MARCHF6: variants seen among roughly 807,000 people sequenced by gnomAD.
The protein encoded by MARCHF6 is membrane associated ring-CH-type finger 6.
In MARCHF6, 31 loss-of-function variants were observed where a neutral mutation model predicts 133.7. The ratio of observed to expected loss-of-function variants is 0.23; its 90% CI spans 0.17 to 0.31. MARCHF6 has a LOEUF of 0.31. Among genes scored for constraint, MARCHF6 ranks in the 10% least tolerant of loss-of-function variants. MARCHF6 has a pLI of 1.00. For synonymous variants in MARCHF6, 395 were observed against 402.5 expected (o/e 0.98, Z 0.22); for missense variants, 723 against 1,121.6 (o/e 0.64, Z 5.08).
At chr5:10,357,680 G>A (rs926839102) in intron 1 of MARCHF6, among the ~76,000 whole-genome samples, 14 of 152,186 alleles carry the variant, frequency 9.2e-5, no homozygotes, top group South Asian at 2.1e-4. Flanking sequence ...TTCTTACCAC[G>A]CATTACCTTT....
intron 4 of MARCHF6, among the ~76,000 whole-genome samples, chr5:10,383,542 T>C (rs975869391): frequency 1.3e-5 from 2 of 152,216 alleles, no homozygotes; most frequent in Admixed American, 1.3e-4. Flanking sequence ...TGTTGAATGC[T>C]AGAAGACAAT....
At chr5:10,403,612 C>G in intron 15 of MARCHF6, 71 bp downstream of exon 15, 1 of 1,379,368 alleles carries the variant, frequency 7.2e-7, no homozygotes, top group Non-Finnish European at 9.9e-7. Context: ...CCAGTCATGT[C>G]TCAAAGGCTA....
At chr5:10,356,885 C>T (rs777954076) in intron 1 of MARCHF6, among the ~76,000 whole-genome samples, 3 of 152,030 alleles carry the variant, frequency 2.0e-5, no homozygotes, top group Non-Finnish European at 4.4e-5. Flanking sequence ...TACTTAGTTC[C>T]GACATGGCTG....
At position 10,439,761 on chromosome 5, in the gene MARCHF6, A is replaced by G. The variant is rs1199385638; in HGVS notation, c.*6077A>G. 1 of 152,378 alleles carries G rather than the reference A, an allele frequency of 6.6e-6. No homozygotes were observed. Among genetic ancestry groups the G allele is most frequent in the Non-Finnish European group, 1.5e-5 (1 of 68,128 alleles). 9.4% of individuals were successfully genotyped at this position (152,378 alleles called of 1,614,324 possible). A position where few individuals can be genotyped will look rare whatever the true frequency, so the allele number is the denominator to read the frequency against. Reference sequence around the variant, plus strand: ...CTCCAATAGACGACCATGGCACTCAAAAGTCCACAATAGCCTTCAATGCTG... The same window carrying G: ...CTCCAATAGACGACCATGGCACTCAGAAGTCCACAATAGCCTTCAATGCTG... On this transcript the variant is annotated 3_prime_UTR_variant, in exon 26 of 26. Transcript: ENST00000274140.
chr5:10,394,114 C>T lies in MARCHF6; in HGVS notation c.799C>T (p.Arg267Ter). The T allele has an allele frequency of 1.9e-6, 3 of 1,571,010 alleles. No homozygotes were observed. The highest frequency in any genetic ancestry group is 2.6e-6 in the Non-Finnish European group (3 of 1,157,006). The change falls in exon 8 of 26, where the codon CGA becomes TGA. Residue 267 changes from arginine (R) to a stop codon, truncating the protein, a stop_gained. Transcript: ENST00000274140. LOFTEE classifies it high-confidence loss of function. The stretch of plus-strand genomic sequence containing the variant: ...GAATTGGAATGCTTTAGAATGGGAC[C>T]GAGCTGCTGAAGAGCTTACATGGGA... ...DMNWNALEWD[R>*]AAEELTWERM...
At chr5:10,378,975 GATAGTA>G (rs1294535627) in intron 3 of MARCHF6, 143 bp downstream of exon 3, 7 of 530,180 alleles carry the variant, frequency 1.3e-5, no homozygotes, top group Admixed American at 3.7e-5. Context: ...GATTTTTTTT[GATAGTA>G]ATAGGAAGTA....
At chr5:10,410,328 A>T in intron 18 of MARCHF6, 52 bp downstream of exon 18, 1 of 1,574,582 alleles carries the variant, frequency 6.4e-7, no homozygotes, top group Non-Finnish European at 8.6e-7. Context: ...GTGACTATGG[A>T]ATAACCTTTC....
chr5:10,383,551 A>G (rs1455025321), intron 4 of MARCHF6, among the ~76,000 whole-genome samples: 3 of 152,202 alleles, frequency 2.0e-5, no homozygotes, highest in Admixed American at 6.5e-5. Flanking sequence ...CTAGAAGACA[A>G]TGGAAACTCA....
chr5:10,354,895 T>G (rs1735351153), intron 1 of MARCHF6, among the ~76,000 whole-genome samples: 1 of 152,132 alleles, frequency 6.6e-6, no homozygotes, highest in Non-Finnish European at 1.5e-5. Context: ...CAATAATGAG[T>G]GAAAAAAGTT....
chr5:10,405,523 G>T, intron 15 of MARCHF6, 35 bp from the exon 16 acceptor site: 1 of 1,550,314 alleles, frequency 6.5e-7, no homozygotes, highest in South Asian at 1.2e-5. Flanking sequence ...TGAAGACATT[G>T]GTGAATATTC....
Position 10,411,532 on chromosome 5 carries a change from C to T in MARCHF6, c.1891C>T (p.Leu631Phe). The T allele has an allele frequency of 2.5e-6, 4 of 1,613,586 alleles. No individual in the cohort carries two copies. The highest frequency in any genetic ancestry group is 3.4e-6 in the Non-Finnish European group (4 of 1,179,706). The change falls in exon 19 of 26, where the codon CTC (leucine) becomes TTC (phenylalanine). Residue 631 changes from leucine (L) to phenylalanine (F), a missense_variant. Physicochemically the swap from Leu to Phe is conservative, Grantham distance 22. Around this residue, in one of 4 missense-constraint regions of MARCHF6, gnomAD observed 492 missense variants for 699.5 expected, o/e 0.70. Transcript: ENST00000274140. ...TTACCGCCGACCTTTAAATTTTCCACTCAGGGTAGGTGCTATACAGACTTA... is the reference window on the plus strand; with the variant it reads ...TTACCGCCGACCTTTAAATTTTCCATTCAGGGTAGGTGCTATACAGACTTA... ...QPYRRPLNFP[L>F]RIFLLIVFMC...
In MARCHF6 at chr5:10,436,577, T is replaced by G. The variant is rs1260445179; in HGVS notation, c.*2893T>G. The G allele has an allele frequency of 1.3e-5, 2 of 152,214 alleles. No homozygotes were observed. The highest frequency in any genetic ancestry group is 4.8e-5 in the African/African-American group (2 of 41,452). 9.4% of individuals were successfully genotyped at this position (152,214 alleles called of 1,614,324 possible). On this transcript the variant is annotated 3_prime_UTR_variant, in exon 26 of 26. Coordinates refer to ENST00000274140, the MANE Select transcript of MARCHF6 (RefSeq NM_005885.4). ...GGAAAGAAGACCTTTTTGTTTTATT[T>G]TTACTATTTATATATAGAAGACAAA...
chr5:10,381,493 G>C (rs757025354), intron 3 of MARCHF6, among the ~76,000 whole-genome samples: 2 of 152,208 alleles, frequency 1.3e-5, no homozygotes, highest in Non-Finnish European at 2.9e-5. Flanking sequence ...TTGGTTGAAT[G>C]TTAAAATGTG....
intron 1 of MARCHF6, among the ~76,000 whole-genome samples, chr5:10,373,503 A>G (rs1001434626): frequency 6.6e-6 from 1 of 152,128 alleles, no homozygotes; most frequent in African/African-American, 2.4e-5. Context: ...GTTTTGTATC[A>G]TGGAATGAGC....
intron 1 of MARCHF6, among the ~76,000 whole-genome samples, chr5:10,377,071 G>A (rs1220617442): frequency 6.6e-6 from 1 of 152,138 alleles, no homozygotes; most frequent in East Asian, 1.9e-4. Flanking sequence ...CGGTTCCTCT[G>A]CCGTCGTGCT....
chr5:10,377,460 C>T (rs115743780), intron 1 of MARCHF6, among the ~76,000 whole-genome samples: 82 of 152,268 alleles, frequency 5.4e-4, no homozygotes, highest in African/African-American at 1.8e-3. Context: ...ACTGTTAGGA[C>T]GCTAATGGTG....
At chr5:10,370,092 A>ATTTTTTTTTTTTTTTTTTTTTT (rs762064486) in intron 1 of MARCHF6, among the ~76,000 whole-genome samples, 1 of 64,968 alleles carries the variant, frequency 1.5e-5, no homozygotes. Flanking sequence ...TCTTACTGTG[A>ATTTTTTTTTTTTTTTTTTTTTT]TTTTTTTTTT....
At chr5:10,398,785 A>ATTTTC (rs1738342664) in intron 10 of MARCHF6, among the ~76,000 whole-genome samples, 1 of 152,172 alleles carries the variant, frequency 6.6e-6, no homozygotes, top group African/African-American at 2.4e-5. Context: ...TGCGAAAAGA[A>ATTTTC]TTTTCTTAGT....
intron 25 of MARCHF6, among the ~76,000 whole-genome samples, chr5:10,432,021 G>C (rs1340965937): frequency 5.3e-5 from 8 of 152,142 alleles, no homozygotes; most frequent in Non-Finnish European, 8.8e-5. Flanking sequence ...TAAGACAAAA[G>C]AAAAGGAATA....
Sources: allele counts gnomAD v4.1 joint callset (sites outside exome capture counted in the v4.1 genomes callset), GRCh38; gene constraint gnomAD v4.1.1; regional missense constraint gnomAD v4.1.1; transcripts MANE v1.5; gene names NCBI Gene and HGNC (gene_info 2026-07-23, HGNC 2026-07-21).